Variants in SRRM3 observed in about 807,000 individuals in gnomAD.
SRRM3 encodes the protein serine/arginine repetitive matrix protein 3.
Under a neutral mutation model 66.2 loss-of-function variants are expected in SRRM3, and 27 were observed. The observed-to-expected ratio is 0.41, with a 90% CI of 0.30 to 0.56. The LOEUF is 0.56. Among genes scored for constraint, SRRM3 ranks in the 20% least tolerant of loss-of-function variants. The pLI is 0.32. For synonymous variants in SRRM3, 391 were observed against 414.9 expected (o/e 0.94, Z 0.70); for missense variants, 918 against 991.9 (o/e 0.93, Z 1.00).
chr7:76,281,699 C>A lies in SRRM3; in HGVS notation c.1267C>A (p.Leu423Ile). The A allele has an allele frequency of 9.0e-7, 1 of 1,109,794 alleles. No homozygotes were observed. The highest frequency in any genetic ancestry group is 1.1e-6 in the Non-Finnish European group (1 of 908,432). 68.7% of individuals were successfully genotyped at this position (1,109,794 alleles called of 1,614,324 possible). A position where few individuals can be genotyped will look rare whatever the true frequency, so the allele number is the denominator to read the frequency against. Residue 423 changes from leucine to isoleucine, a missense_variant, in exon 12 of 15, where the codon CTC becomes ATC. Leu to Ile is a conservative substitution (Grantham distance 5, BLOSUM62 2). Coordinates refer to ENST00000611745, the MANE Select transcript of SRRM3 (RefSeq NM_001110199.3). ...GCCCCCCCGGGGCTCGTCGCGCTCG[C>A]TCAGCAGGGCCCGCTCCAGCAGCGA... ...PAPPRGSSRS[L>I]SRARSSSDSG... is the part of the protein sequence containing the mutation.
intron 11 of SRRM3, chr7:76,268,335 A>G (rs1554610092): frequency 7.0e-6 from 1 of 142,458 alleles, no homozygotes; most frequent in African/African-American, 2.6e-5. Context: ...TATAGAGTAC[A>G]CAGTTGAGAC....
intron 1 of SRRM3, among the ~76,000 whole-genome samples, chr7:76,203,579 G>C (rs1470604893): frequency 2.0e-5 from 3 of 152,204 alleles, no homozygotes; most frequent in Admixed American, 2.0e-4. Flanking sequence ...GATATTTGAA[G>C]CACATTTTTC....
At chr7:76,277,173 C>T (rs1418729447) in intron 11 of SRRM3, among the ~76,000 whole-genome samples, 4 of 152,180 alleles carry the variant, frequency 2.6e-5, no homozygotes, top group African/African-American at 9.7e-5. Flanking sequence ...GGATCTGGAT[C>T]AGCACAGGGG....
Position 76,285,557 on chromosome 7 carries a change from T to A in SRRM3, c.1734-58T>A. 1 of 1,442,538 alleles carries A rather than the reference T, an allele frequency of 6.9e-7. No individual in the cohort carries two copies. Among genetic ancestry groups the A allele is most frequent in the Non-Finnish European group, 9.4e-7 (1 of 1,060,982 alleles). The allele number at this position is 1,442,538 out of a possible 1,614,324, so 89.4% of individuals were successfully genotyped here. On this transcript the variant is annotated intron_variant, in intron 14 of 14. Transcript: ENST00000611745. The surrounding 1 kb of genome is among the most constrained non-coding windows in gnomAD (Gnocchi z 4.1). ...AACTGAGGCAGGAAGCCCTGGCCGC[T>A]GCTGGGATGGGGCTCGGGGCCTGGG...
At chr7:76,234,194 A>AGTGTGTGTGTGTGTGT (rs58369922) in intron 1 of SRRM3, among the ~76,000 whole-genome samples, 2,413 of 141,106 alleles carry the variant, frequency 0.017, 73 homozygotes, top group African/African-American at 0.056. Flanking sequence ...AAGTCCTTGG[A>AGTGTGTGTGTGTGTGT]GTGTGTGTGT....
intron 1 of SRRM3, among the ~76,000 whole-genome samples, chr7:76,225,755 C>T (rs955529212): frequency 1.4e-4 from 21 of 152,148 alleles, no homozygotes; most frequent in African/African-American, 3.9e-4. Flanking sequence ...GTGCCTTTTA[C>T]GAGACATTCA....
At chr7:76,267,539 G>C (rs1802102569) in intron 11 of SRRM3, 104 bp downstream of exon 11, 1 of 641,810 alleles carries the variant, frequency 1.6e-6, no homozygotes, top group Non-Finnish European at 2.2e-6. Context: ...TGGCATGGGG[G>C]CGGGGGCGGG....
chr7:76,231,105 G>A (rs537670923), intron 1 of SRRM3, among the ~76,000 whole-genome samples: 19 of 152,170 alleles, frequency 1.2e-4, no homozygotes, highest in Non-Finnish European at 2.4e-4. Flanking sequence ...GACCCTGTGC[G>A]TGCAGTCCTG....
intron 1 of SRRM3, among the ~76,000 whole-genome samples, chr7:76,217,921 T>C (rs1800610487): frequency 6.6e-6 from 1 of 152,196 alleles, no homozygotes; most frequent in Non-Finnish European, 1.5e-5. Context: ...TGTTTCACTT[T>C]GACTAAGGTC....
chr7:76,253,729 G>A (rs1278125460), intron 3 of SRRM3, among the ~76,000 whole-genome samples: 2 of 150,460 alleles, frequency 1.3e-5, no homozygotes, highest in African/African-American at 2.5e-5. Context: ...GGCAGGAGAC[G>A]GAGGTTGCAG....
intron 11 of SRRM3, among the ~76,000 whole-genome samples, chr7:76,276,840 CG>C (rs1802362022): frequency 6.6e-6 from 1 of 152,114 alleles, no homozygotes; most frequent in Non-Finnish European, 1.5e-5. Context: ...TGGTGGACAC[CG>C]CATAGGGTCC....
intron 3 of SRRM3, among the ~76,000 whole-genome samples, chr7:76,259,034 C>T (rs1214762270): frequency 6.7e-6 from 1 of 149,410 alleles, no homozygotes; most frequent in East Asian, 2.0e-4. Context: ...TGCAGTGAGG[C>T]GAGATCGGGC....
chr7:76,283,250 T>A (rs1802578512), intron 14 of SRRM3, 149 bp downstream of exon 14: 4 of 796,310 alleles, frequency 5.0e-6, no homozygotes, highest in Non-Finnish European at 7.0e-6. Flanking sequence ...ATGAGTGGGT[T>A]CTGCCAGGGT....
Position 76,278,035 on chromosome 7 carries a change from G to A in SRRM3, c.1009-3406G>A, listed in dbSNP as rs144864771. ...AAACTGCAAATATAAAAATCCCAGA[G>A]AAGTTCTCATTTGCCTCCTGTTGAG... On this transcript the variant is annotated intron_variant, in intron 11 of 14. Coordinates refer to ENST00000611745, the MANE Select transcript of SRRM3 (RefSeq NM_001110199.3). Among the ~76,000 whole-genome samples, 552 of 152,318 alleles carry A rather than the reference G, an allele frequency of 3.6e-3. 6 individuals carry two copies. Among genetic ancestry groups the A allele is most frequent in the African/African-American group, 6.6e-3 (275 of 41,560 alleles).
chr7:76,244,735 C>G (rs183341613), intron 2 of SRRM3, among the ~76,000 whole-genome samples: 298 of 152,286 alleles, frequency 2.0e-3, no homozygotes, highest in Non-Finnish European at 3.6e-3. Flanking sequence ...GTCACTGTCT[C>G]CTCCTGAACC....
At chr7:76,211,334 C>T (rs2116937432) in intron 1 of SRRM3, among the ~76,000 whole-genome samples, 1 of 137,694 alleles carries the variant, frequency 7.3e-6, no homozygotes, top group Middle Eastern at 4.2e-3. Context: ...GCACCAGGTG[C>T]TTGGGGAACA....
intron 1 of SRRM3, among the ~76,000 whole-genome samples, chr7:76,218,594 C>A (rs904224366): frequency 5.3e-5 from 8 of 152,012 alleles, no homozygotes; most frequent in South Asian, 2.1e-4. Context: ...GAGACCAAAC[C>A]ACTACTTGCT....
chr7:76,256,924 G>A (rs527242407), intron 3 of SRRM3, among the ~76,000 whole-genome samples: 186 of 152,106 alleles, frequency 1.2e-3, no homozygotes, highest in African/African-American at 4.2e-3. Context: ...GGGTCAGGCT[G>A]GTCTTGAACT....
chr7:76,269,785 G>C (rs2117084487), intron 11 of SRRM3: 1 of 147,378 alleles, frequency 6.8e-6, no homozygotes, highest in Admixed American at 6.8e-5. Flanking sequence ...TTAATGTACA[G>C]AAATGCAAAC....
Sources: gnomAD v4.1 joint callset for allele counts (sites outside exome capture counted in the v4.1 genomes callset) on GRCh38, gnomAD v4.1.1 for gene constraint, Gnocchi (gnomAD v3.1) non-coding constraint, MANE v1.5 for transcripts, NCBI Gene and HGNC (gene_info 2026-07-23, HGNC 2026-07-21) for gene names.